CDK14: variants seen among roughly 807,000 people sequenced by gnomAD.
CDK14 encodes the protein cyclin-dependent kinase 14.
Under a neutral mutation model 60.7 loss-of-function variants are expected in CDK14, and 34 were observed. The ratio of observed to expected loss-of-function variants is 0.56; its 90% confidence interval spans 0.43 to 0.75. CDK14 has a LOEUF of 0.75. Among genes scored for constraint, CDK14 ranks in the 30% least tolerant of loss-of-function variants. The probability of loss-of-function intolerance (pLI) is 0.00; values close to 1 mark genes in which losing one functional copy is unlikely to be tolerated. For missense variants in CDK14, 482 were observed against 564.1 expected, an observed-to-expected ratio of 0.85 and a Z score of 1.47; for synonymous variants, 197 against 203.7, an observed-to-expected ratio of 0.97 and a Z score of 0.28.
chr7:90,865,912 T>C (rs1791164169), intron 6 of CDK14, among the ~76,000 whole-genome samples: 1 of 152,180 alleles, frequency 6.6e-6, no homozygotes. Flanking sequence ...CCCATCCTAA[T>C]TGGACTGTTA....
intron 11 of CDK14, 25 bp downstream of exon 11, chr7:91,045,985 C>T (rs1460915198): frequency 6.8e-7 from 1 of 1,461,118 alleles, no homozygotes; most frequent in Admixed American, 1.7e-5. Flanking sequence ...TTACAGATGA[C>T]TAGGTGCTTC....
intron 4 of CDK14, among the ~76,000 whole-genome samples, chr7:90,752,654 T>C (rs1418271423): frequency 6.6e-6 from 1 of 151,980 alleles, no homozygotes; most frequent in African/African-American, 2.4e-5. Context: ...AAAACATAAC[T>C]AAAATCAATG....
chr7:90,617,117 C>T (rs1426681272), intron 2 of CDK14, among the ~76,000 whole-genome samples: 1 of 151,912 alleles, frequency 6.6e-6, no homozygotes, highest in Non-Finnish European at 1.5e-5. Flanking sequence ...TACAGTGAAA[C>T]AGCCATTGTA....
At chr7:90,871,049 G>A (rs548143752) in intron 6 of CDK14, among the ~76,000 whole-genome samples, 1 of 152,208 alleles carries the variant, frequency 6.6e-6, no homozygotes, top group African/African-American at 2.4e-5. Context: ...CATCATCATG[G>A]AGAAAAGTCT....
chr7:90,790,732 A>C, intron 5 of CDK14, 80 bp downstream of exon 5: 1 of 830,596 alleles, frequency 1.2e-6, no homozygotes, highest in Non-Finnish European at 2.0e-6. Context: ...ACCTCTGAAT[A>C]TGCTGAGTTT....
intron 5 of CDK14, among the ~76,000 whole-genome samples, chr7:90,803,678 G>A (rs34350286): frequency 0.2 from 31,160 of 152,128 alleles, 3,333 homozygotes; most frequent in South Asian, 0.24. Context: ...TGGTGGTGCA[G>A]TTTAGATAAC....
chr7:90,616,910 A>G (rs985504746), intron 2 of CDK14, among the ~76,000 whole-genome samples: 1 of 150,474 alleles, frequency 6.6e-6, no homozygotes, highest in African/African-American at 2.4e-5. Context: ...ATATACACAT[A>G]TTTTCCTCCA....
intron 11 of CDK14, among the ~76,000 whole-genome samples, chr7:91,070,271 G>GCT (rs1798102364): frequency 5.7e-4 from 7 of 12,216 alleles, no homozygotes; most frequent in East Asian, 0.024. Flanking sequence ...TGCTGCTGCT[G>GCT]GTGGTGGTGG....
At chr7:90,852,971 A>G (rs1584046561) in intron 5 of CDK14, among the ~76,000 whole-genome samples, 1 of 152,186 alleles carries the variant, frequency 6.6e-6, no homozygotes, top group African/African-American at 2.4e-5. Context: ...GTTTCAGTCA[A>G]ATGAAGTAGT....
chr7:90,850,703 G>A (rs912787011), intron 5 of CDK14, among the ~76,000 whole-genome samples: 1 of 152,132 alleles, frequency 6.6e-6, no homozygotes, highest in Non-Finnish European at 1.5e-5. Context: ...AGTGTGATAG[G>A]GAGTCGGGAG....
chr7:90,801,597 G>A (rs1201651601), intron 5 of CDK14, among the ~76,000 whole-genome samples: 6 of 152,138 alleles, frequency 3.9e-5, no homozygotes, highest in South Asian at 2.1e-4. Context: ...AATTCTATAC[G>A]TTGGCCACTG....
intron 10 of CDK14, among the ~76,000 whole-genome samples, chr7:91,032,001 T>C (rs1396647098): frequency 6.6e-6 from 1 of 152,120 alleles, no homozygotes; most frequent in East Asian, 1.9e-4. Flanking sequence ...TGTGAGTCAA[T>C]CGAGATGAAT....
chr7:91,061,488 A>T (rs1159630122), intron 11 of CDK14, among the ~76,000 whole-genome samples: 1 of 151,956 alleles, frequency 6.6e-6, no homozygotes, highest in East Asian at 1.9e-4. Context: ...GATTTTTAAA[A>T]TTTTCAGTTT....
intron 12 of CDK14, among the ~76,000 whole-genome samples, chr7:91,109,243 T>C (rs539973101): frequency 1.3e-5 from 2 of 152,114 alleles, no homozygotes; most frequent in Non-Finnish European, 2.9e-5. Context: ...GCATACTTAA[T>C]TGTTTTATTA....
At chr7:90,800,947 C>A (rs981839445) in intron 5 of CDK14, among the ~76,000 whole-genome samples, 1 of 152,158 alleles carries the variant, frequency 6.6e-6, no homozygotes, top group Non-Finnish European at 1.5e-5. Flanking sequence ...TTCACATGGT[C>A]TTCTCTCTCT....
intron 11 of CDK14, 36 bp downstream of exon 11, chr7:91,045,996 C>T (rs771780250): frequency 9.6e-6 from 13 of 1,357,610 alleles, no homozygotes; most frequent in African/African-American, 1.4e-5. Context: ...TAGGTGCTTC[C>T]TATATGCAAA....
chr7:91,017,685 A>G lies in CDK14; in HGVS notation c.1042-28212A>G, dbSNP rs922025143. ...AGACAGAATAAATGGGCACTGCTAT[A>G]TGATGGATGAGTATCACAGCGTCTG... On this transcript the variant is annotated intron_variant, in intron 10 of 14. Transcript: ENST00000380050. Among the ~76,000 whole-genome samples, 3 of 152,202 alleles carry G rather than the reference A, an allele frequency of 2.0e-5. No individual in the cohort carries two copies. In the East Asian group the frequency reaches 5.8e-4, roughly 29 times the overall value.
At chr7:91,046,482 A>G (rs1215630886) in intron 11 of CDK14, among the ~76,000 whole-genome samples, 1 of 152,162 alleles carries the variant, frequency 6.6e-6, no homozygotes, top group African/African-American at 2.4e-5. Flanking sequence ...ACACTGAAAA[A>G]TCTGAAAGAA....
At chr7:90,858,189 C>T (rs1790891560) in intron 5 of CDK14, among the ~76,000 whole-genome samples, 1 of 152,082 alleles carries the variant, frequency 6.6e-6, no homozygotes, top group African/African-American at 2.4e-5. Flanking sequence ...TGACTTGATG[C>T]TTTTCTATAA....
Sources: allele counts gnomAD v4.1 joint callset (sites outside exome capture counted in the v4.1 genomes callset), GRCh38; gene constraint gnomAD v4.1.1; transcripts MANE v1.5; gene names NCBI Gene and HGNC (gene_info 2026-07-23, HGNC 2026-07-21).